BCL3: variants seen among roughly 807,000 people sequenced by gnomAD.
The protein encoded by BCL3 is B-cell lymphoma 3 protein.
A neutral mutation model predicts 35.7 loss-of-function variants in BCL3; 15 were observed. The observed-to-expected ratio is 0.42, with a 90% CI of 0.28 to 0.65. The LOEUF (loss-of-function observed/expected upper bound fraction) is 0.65. Among genes scored for constraint, BCL3 ranks in the 30% least tolerant of loss-of-function variants. The pLI is 0.22. For synonymous variants in BCL3, 311 were observed against 284.3 expected, an observed-to-expected ratio of 1.09 and a Z score of -0.95; for missense variants, 565 against 641.7, an observed-to-expected ratio of 0.88 and a Z score of 1.29.
rs1160519859 is a variant in BCL3 at position 44,758,510 on chromosome 19, G to T, written c.1059+97G>T. The T allele has an allele frequency of 2.1e-6, 3 of 1,453,230 alleles. No homozygotes were observed. The South Asian group carries it at 4.1e-5, about 20-fold the overall frequency. 90.0% of individuals were successfully genotyped at this position (1,453,230 alleles called of 1,614,324 possible). ...AGAGCGCAGAGGAGTGAGGGTGTCT[G>T]TGCCGTTGCGTGGAGGGGAGTGGGT... is the stretch of plus-strand genomic sequence containing the variant. On this transcript the variant is annotated intron_variant, in intron 7 of 8. Coordinates refer to ENST00000164227, the MANE Select transcript of BCL3 (RefSeq NM_005178.5).
chr19:44,753,500 C>G (rs1272859773), intron 2 of BCL3, among the ~76,000 whole-genome samples: 2 of 152,208 alleles, frequency 1.3e-5, no homozygotes, highest in South Asian at 2.1e-4. Flanking sequence ...CTGCCTCCCC[C>G]ACGTCAGCAC....
chr19:44,750,062 C>G (rs1272055171), intron 1 of BCL3, among the ~76,000 whole-genome samples: 1 of 152,148 alleles, frequency 6.6e-6, no homozygotes, highest in Non-Finnish European at 1.5e-5. Context: ...CCAATTGACC[C>G]CCAAAGCTGC....
chr19:44,752,418 A>G (rs924755392), intron 2 of BCL3, among the ~76,000 whole-genome samples: 1 of 149,722 alleles, frequency 6.7e-6, no homozygotes, highest in African/African-American at 2.5e-5. Flanking sequence ...TGTTGCCCAG[A>G]CTGGTCTCAA....
rs1312223908 is a variant in BCL3 at position 44,759,485 on chromosome 19, C to G, written c.1235C>G (p.Pro412Arg). The G allele has an allele frequency of 2.5e-6, 4 of 1,612,556 alleles. No individual in the cohort carries two copies. The highest frequency in any genetic ancestry group is 3.4e-6 in the Non-Finnish European group (4 of 1,179,250). Residue 412 changes from proline (P) to arginine (R), a missense_variant, in exon 9 of 9, where the codon CCT becomes CGT. By Grantham distance (103) the Pro-to-Arg change is moderately radical. Coordinates refer to ENST00000164227, the MANE Select transcript of BCL3 (RefSeq NM_005178.5). ...SPSQSPPRDPPGFPMAPPNFF... is the reference protein window; with the variant it reads ...SPSQSPPRDPRGFPMAPPNFF... ...TCCCAGTCTCCCCCCAGGGACCCCC[C>G]TGGATTCCCCATGGCTCCTCCCAAT...
rs1240294943 is a variant in BCL3 at position 44,757,039 on chromosome 19, TCAC to T, written c.546_548del (p.Thr183del). ...CAGACACCGCTCCACCTGGCTGTGATCACCACATTACCGTCTGTGGTCCGGCTC... is the reference window on the plus strand; with the variant it reads ...CAGACACCGCTCCACCTGGCTGTGATCACATTACCGTCTGTGGTCCGGCTC... On this transcript the variant is annotated inframe_deletion, in exon 4 of 9. Coordinates refer to ENST00000164227, the MANE Select transcript of BCL3 (RefSeq NM_005178.5). The surrounding 1 kb of genome is among the most constrained non-coding windows in gnomAD (Gnocchi z 8.4). 3.7e-6 allele frequency: 6 copies of T among 1,608,228 alleles called. No individual in the cohort carries two copies. The highest frequency in any genetic ancestry group is 1.7e-5 in the Admixed American group (1 of 59,836).
upstream of BCL3, chr19:44,748,140 C>G (rs539447834): frequency 2.1e-5 from 27 of 1,270,990 alleles, no homozygotes; most frequent in Non-Finnish European, 2.7e-5. Flanking sequence ...TAAGTGGGAA[C>G]CGAGATTCCA....
chr19:44,754,343 A>G (rs1177214596), intron 2 of BCL3, among the ~76,000 whole-genome samples: 1 of 152,004 alleles, frequency 6.6e-6, no homozygotes, highest in Non-Finnish European at 1.5e-5. Context: ...CCCCCTACAC[A>G]CACACACCTC....
intron 3 of BCL3, 69 bp downstream of exon 3, chr19:44,756,409 G>A (rs560283605): frequency 3.0e-5 from 36 of 1,183,458 alleles, no homozygotes; most frequent in Admixed American, 7.1e-5. Flanking sequence ...GGGGCTGGGG[G>A]CCTGAACTCC....
intron 2 of BCL3, 57 bp downstream of exon 2, chr19:44,751,437 A>T (rs1167138274): frequency 6.7e-7 from 1 of 1,484,454 alleles, no homozygotes; most frequent in Non-Finnish European, 9.0e-7. Flanking sequence ...GCCGTCCATA[A>T]CACAGGGCCA....
At chr19:44,750,105 G>A (rs761696603) in intron 1 of BCL3, among the ~76,000 whole-genome samples, 8 of 152,152 alleles carry the variant, frequency 5.3e-5, no homozygotes, top group Non-Finnish European at 1.2e-4. Flanking sequence ...CAAAACTTTA[G>A]GTAGTTTCTG....
Position 44,757,591 on chromosome 19 carries a change from C to A in BCL3, c.814-55C>A. ...AATGGGATGTGGACGGGATGCGGGT[C>A]GCCGGCTGCTGGAGCAGAGCTTGGA... On this transcript the variant is annotated intron_variant, in intron 5 of 8. Transcript: ENST00000164227. This position sits in a 1 kb window ranked among gnomAD's most constrained non-coding sequence, Gnocchi z 8.4. The A allele has an allele frequency of 2.5e-6, 4 of 1,593,912 alleles. No homozygotes were observed. The highest frequency in any genetic ancestry group is 3.4e-6 in the Non-Finnish European group (4 of 1,163,652).
At position 44,758,830 on chromosome 19, in the gene BCL3, T is replaced by C; in HGVS notation, c.1166T>C (p.Leu389Pro). ...ACCTCCCCCGAGAGCAGCAGCCGCC[T>C]CAGCTCCAATGGTGAGAAACCGTTC... ...ANTSPESSSR[L>P]SSNGLLSASP... The change falls in exon 8 of 9, where the codon CTC (leucine) becomes CCC (proline). Residue 389 changes from leucine (L) to proline (P), a missense_variant. Transcript: ENST00000164227. 1 of 1,595,728 alleles carries C rather than the reference T, an allele frequency of 6.3e-7. No individual in the cohort carries two copies. The highest frequency in any genetic ancestry group is 8.5e-7 in the Non-Finnish European group (1 of 1,172,712).
Position 44,757,771 on chromosome 19 carries a change from CA to C in BCL3, c.891+50del. 2.5e-6 allele frequency: 4 copies of C among 1,575,982 alleles called. No homozygotes were observed. The highest frequency in any genetic ancestry group is 3.5e-6 in the Non-Finnish European group (4 of 1,148,662). On this transcript the variant is annotated intron_variant, in intron 6 of 8. Transcript: ENST00000164227. The surrounding 1 kb of genome is among the most constrained non-coding windows in gnomAD (Gnocchi z 8.4). ...TCGCGCCCACCCTATCCTCTGACCC[CA>C]ACCCGGCTCTGGCCTCAGCCCCTAG... is the stretch of plus-strand genomic sequence containing the variant.
chr19:44,750,644 G>A (rs1967161140), intron 1 of BCL3, among the ~76,000 whole-genome samples: 1 of 152,122 alleles, frequency 6.6e-6, no homozygotes, highest in African/African-American at 2.4e-5. Flanking sequence ...TTACCCATGC[G>A]TGGTGGTCAG....
chr19:44,757,775 C>A lies in BCL3; in HGVS notation c.891+52C>A. Reference sequence around the variant, plus strand: ...GCCCACCCTATCCTCTGACCCCAACCCGGCTCTGGCCTCAGCCCCTAGCTC... The same window carrying A: ...GCCCACCCTATCCTCTGACCCCAACACGGCTCTGGCCTCAGCCCCTAGCTC... On this transcript the variant is annotated intron_variant, in intron 6 of 8. Transcript: ENST00000164227. The surrounding 1 kb of genome is among the most constrained non-coding windows in gnomAD (Gnocchi z 8.4). 2 of 1,558,990 alleles carry A rather than the reference C, an allele frequency of 1.3e-6. No individual in the cohort carries two copies. The highest frequency in any genetic ancestry group is 2.3e-5 in the East Asian group (1 of 44,360).
At chr19:44,753,564 C>T (rs1327307632) in intron 2 of BCL3, among the ~76,000 whole-genome samples, 1 of 152,218 alleles carries the variant, frequency 6.6e-6, no homozygotes, top group Non-Finnish European at 1.5e-5. Context: ...ACCTTAACCC[C>T]TTCCGCTGGG....
At chr19:44,749,295 G>C (rs1272172186) in intron 1 of BCL3, among the ~76,000 whole-genome samples, 4 of 148,548 alleles carry the variant, frequency 2.7e-5, no homozygotes, top group African/African-American at 4.9e-5. Context: ...GGGGGGGGGG[G>C]GGCCAGGGAC....
In BCL3 at chr19:44,757,194, T is replaced by C. The variant is rs769169222; in HGVS notation, c.697T>C (p.Leu233=). 3 of 1,563,336 alleles carry C rather than the reference T, an allele frequency of 1.9e-6. No homozygotes were observed. Among genetic ancestry groups the C allele is most frequent in the African/African-American group, 1.4e-5 (1 of 73,572 alleles). The change falls in exon 4 of 9, where the codon TTG becomes CTG. Residue 233 remains leucine, a synonymous_variant. Transcript: ENST00000164227. This position sits in a 1 kb window ranked among gnomAD's most constrained non-coding sequence, Gnocchi z 8.4. Reference sequence around the variant, plus strand: ...GCTGGACAGCGCAGCTCCGGGCACGTTGGACCTGGAGGCCCGCAATTATGA... The same window carrying C: ...GCTGGACAGCGCAGCTCCGGGCACGCTGGACCTGGAGGCCCGCAATTATGA... The part of the protein sequence containing the change: ...ALLDSAAPGT[L]DLEARNYDGL...
rs1967340298 is a variant in BCL3 at position 44,758,343 on chromosome 19, G to T, written c.989G>T (p.Arg330Leu). 6.4e-7 allele frequency: 1 copy of T among 1,561,364 alleles called. No homozygotes were observed. Among genetic ancestry groups the T allele is most frequent in the Non-Finnish European group, 8.6e-7 (1 of 1,158,924 alleles). The stretch of plus-strand genomic sequence containing the variant: ...CTCCCGCTGGTGCGCACGCTGGTCC[G>T]CAGCGGCGCTGACAGCAGCCTCAAG... ...GLLPLVRTLV[R>L]SGADSSLKNC... The change falls in exon 7 of 9, where the codon CGC (arginine) becomes CTC (leucine). Residue 330 changes from arginine (R) to leucine (L), a missense_variant. Transcript: ENST00000164227.
Sources: gnomAD v4.1 joint callset for allele counts (sites outside exome capture counted in the v4.1 genomes callset) on GRCh38, gnomAD v4.1.1 for gene constraint, Gnocchi (gnomAD v3.1) non-coding constraint, MANE v1.5 for transcripts, NCBI Gene and HGNC (gene_info 2026-07-23, HGNC 2026-07-21) for gene names.